Variants in CCDC85C observed in about 807,000 individuals in gnomAD.
CCDC85C encodes the protein coiled-coil domain-containing protein 85C.
Under a neutral mutation model 38.3 loss-of-function variants are expected in CCDC85C, and 18 were observed. That is an observed-to-expected ratio of 0.47 (90% CI 0.33 to 0.70). CCDC85C has a LOEUF of 0.70. Among genes scored for constraint, CCDC85C ranks in the 30% least tolerant of loss-of-function variants. CCDC85C has a pLI of 0.03. For synonymous variants in CCDC85C, 264 were observed against 293.8 expected (o/e 0.90, Z 1.04); for missense variants, 566 against 621.2 (o/e 0.91, Z 0.94).
In CCDC85C at chr14:99,516,277, C is replaced by A; in HGVS notation, c.1081G>T (p.Val361Leu). 1 of 1,550,844 alleles carries A rather than the reference C, an allele frequency of 6.4e-7. No homozygotes were observed. Among genetic ancestry groups the A allele is most frequent in the Non-Finnish European group, 8.7e-7 (1 of 1,146,586 alleles). The change falls in exon 5 of 6, where the codon GTA (valine) becomes TTA (leucine). Residue 361 changes from valine (V) to leucine (L), a missense_variant. Transcript: ENST00000380243. This position sits in a 1 kb window ranked among gnomAD's most constrained non-coding sequence, Gnocchi z 5.5. ...AGCTGCCGGTCCAGATTCTCGTGTA[C>A]CTCCAGGACCTGAAGGGAACGGGTC... is the stretch of plus-strand genomic sequence containing the variant. Reference protein sequence around the residue: ...AVVHAMKVLEVHENLDRQLQD... With the variant: ...AVVHAMKVLELHENLDRQLQD...
rs1328210660 is a variant in CCDC85C at position 99,603,926 on chromosome 14, A to ACGC, written c.31_33dup (p.Ala11dup). The stretch of plus-strand genomic sequence containing the variant: ...TCCGGCACCTGGCTCAGCTCCTCCG[A>ACGC]CGCCGCCGCCGCCGTCGCCGCGGGC... On this transcript the variant is annotated inframe_insertion, in exon 1 of 6. Coordinates refer to ENST00000380243, the MANE Select transcript of CCDC85C (RefSeq NM_001144995.2). This position sits in a 1 kb window ranked among gnomAD's most constrained non-coding sequence, Gnocchi z 7.5. The ACGC allele has an allele frequency of 1.1e-5, 16 of 1,421,056 alleles. No individual in the cohort carries two copies. The highest frequency in any genetic ancestry group is 6.1e-5 in the East Asian group (2 of 32,928). 88.0% of individuals were successfully genotyped at this position (1,421,056 alleles called of 1,614,324 possible).
intron 1 of CCDC85C, among the ~76,000 whole-genome samples, chr14:99,555,364 C>G (rs1897991103): frequency 6.6e-6 from 1 of 152,206 alleles, no homozygotes; most frequent in South Asian, 2.1e-4. Context: ...GCCGGCTTGT[C>G]CAAGGCTACA....
In CCDC85C at chr14:99,561,121, A is replaced by T. The variant is rs545695812; in HGVS notation, c.794-25033T>A. On this transcript the variant is annotated intron_variant, in intron 1 of 5. Coordinates refer to ENST00000380243, the MANE Select transcript of CCDC85C (RefSeq NM_001144995.2). Reference sequence around the variant, plus strand: ...TGCTGAAGCCCCACCCACTACGTGCATGGGGGGGTGCCTGCTGCCACACGC... The same window carrying T: ...TGCTGAAGCCCCACCCACTACGTGCTTGGGGGGGTGCCTGCTGCCACACGC... Among the ~76,000 whole-genome samples the T allele has an allele frequency of 2.0e-5, 3 of 152,286 alleles. No individual in the cohort carries two copies. In the East Asian group the frequency reaches 5.8e-4, roughly 29 times the overall value.
In CCDC85C at chr14:99,578,107, A is replaced by AGT. The variant is rs58957780; in HGVS notation, c.793+25058_793+25059dup. On this transcript the variant is annotated intron_variant, in intron 1 of 5. Transcript: ENST00000380243. ...TACAGCCCGTCCTGTATCCCCCATCAGTGTGTGTGTGTGTGTGTGTGTGTG... is the reference window on the plus strand; with the variant it reads ...TACAGCCCGTCCTGTATCCCCCATCAGTGTGTGTGTGTGTGTGTGTGTGTGTG... 5.4e-3 allele frequency among the ~76,000 whole-genome samples: 414 copies of AGT among 76,092 alleles called. 15 individuals carry two copies. The highest frequency in any genetic ancestry group is 0.013 in the African/African-American group (187 of 14,514). The allele number at this position is 76,092 out of a possible 152,430, so 49.9% of individuals were successfully genotyped here.
At chr14:99,598,513 G>A (rs1190779596) in intron 1 of CCDC85C, among the ~76,000 whole-genome samples, 2 of 152,190 alleles carry the variant, frequency 1.3e-5, no homozygotes, top group East Asian at 1.9e-4. Context: ...CGTAGGGAAG[G>A]TGGCCCACCC....
chr14:99,525,726 G>A (rs1031194095), intron 2 of CCDC85C, among the ~76,000 whole-genome samples: 1 of 152,174 alleles, frequency 6.6e-6, no homozygotes, highest in African/African-American at 2.4e-5. Context: ...TCCCCACCTG[G>A]GCAGCCTGCC....
chr14:99,571,711 A>G (rs1898348160), intron 1 of CCDC85C, among the ~76,000 whole-genome samples: 1 of 152,226 alleles, frequency 6.6e-6, no homozygotes, highest in Non-Finnish European at 1.5e-5. Context: ...GTGGCTGGGA[A>G]ATGGAATCAC....
At chr14:99,551,839 C>T (rs1254411020) in intron 1 of CCDC85C, among the ~76,000 whole-genome samples, 2 of 152,152 alleles carry the variant, frequency 1.3e-5, no homozygotes, top group Non-Finnish European at 2.9e-5. Context: ...AAGCCCCCTC[C>T]CTAGGTCAGA....
intron 2 of CCDC85C, chr14:99,534,635 C>A (rs1289293507): frequency 1.4e-6 from 1 of 702,260 alleles, no homozygotes. Context: ...TAAGCCATGA[C>A]CTTCTCCTGG....
chr14:99,565,799 G>A (rs978873593), intron 1 of CCDC85C, among the ~76,000 whole-genome samples: 3 of 152,214 alleles, frequency 2.0e-5, no homozygotes, highest in Admixed American at 6.5e-5. Context: ...GACTCCAGAA[G>A]AGCAACAAAC....
chr14:99,547,064 G>A (rs1398019504), intron 1 of CCDC85C, among the ~76,000 whole-genome samples: 1 of 151,874 alleles, frequency 6.6e-6, no homozygotes. Context: ...GTACATGCTT[G>A]TAGGCCCAGC....
Position 99,520,039 on chromosome 14 carries a change from C to T in CCDC85C, c.975+2094G>A, listed in dbSNP as rs1197168191. Among the ~76,000 whole-genome samples the T allele has an allele frequency of 1.3e-5, 2 of 152,202 alleles. No individual in the cohort carries two copies. Among genetic ancestry groups the T allele is most frequent in the African/African-American group, 2.4e-5 (1 of 41,446 alleles). ...TGGGTATAAACCACCTCCCACCCTC[C>T]ACTGGGCACCTGCCCTGACAGCCAG... On this transcript the variant is annotated intron_variant, in intron 3 of 5. Coordinates refer to ENST00000380243, the MANE Select transcript of CCDC85C (RefSeq NM_001144995.2). The surrounding 1 kb of genome is among the most constrained non-coding windows in gnomAD (Gnocchi z 4.1).
chr14:99,520,196 C>T lies in CCDC85C; in HGVS notation c.975+1937G>A, dbSNP rs1198920080. 6.6e-6 allele frequency among the ~76,000 whole-genome samples: 1 copy of T among 152,166 alleles called. No individual in the cohort carries two copies. Among genetic ancestry groups the T allele is most frequent in the Non-Finnish European group, 1.5e-5 (1 of 68,012 alleles). On this transcript the variant is annotated intron_variant, in intron 3 of 5. Coordinates refer to ENST00000380243, the MANE Select transcript of CCDC85C (RefSeq NM_001144995.2). This position sits in a 1 kb window ranked among gnomAD's most constrained non-coding sequence, Gnocchi z 4.1. Reference sequence around the variant, plus strand: ...CACAGGTAGCCTTAAAGGAGACTTGCCTGGGTCTGGAAGGGCCTGTGTGCC... The same window carrying T: ...CACAGGTAGCCTTAAAGGAGACTTGTCTGGGTCTGGAAGGGCCTGTGTGCC...
At chr14:99,590,117 A>G (rs2055070278) in intron 1 of CCDC85C, among the ~76,000 whole-genome samples, 1 of 152,082 alleles carries the variant, frequency 6.6e-6, no homozygotes, top group Non-Finnish European at 1.5e-5. Flanking sequence ...CTCGGTGGAG[A>G]GGGATTAGAG....
rs528315309 is a variant in CCDC85C, at chr14:99,555,627, G to A, written c.794-19539C>T. On this transcript the variant is annotated intron_variant, in intron 1 of 5. Coordinates refer to ENST00000380243, the MANE Select transcript of CCDC85C (RefSeq NM_001144995.2). ...TAGCTCACTGAGGGAAAGGGGAAGCGGCCCTCCCAGGAGAAGGCCAAGTAT... is the reference window on the plus strand; with the variant it reads ...TAGCTCACTGAGGGAAAGGGGAAGCAGCCCTCCCAGGAGAAGGCCAAGTAT... Among the ~76,000 whole-genome samples, 10 of 152,288 alleles carry A rather than the reference G, an allele frequency of 6.6e-5. No homozygotes were observed. The East Asian group carries it at 9.6e-4, about 15-fold the overall frequency.
Position 99,522,118 on chromosome 14 carries a change from G to A in CCDC85C, c.975+15C>T. 4.5e-6 allele frequency: 7 copies of A among 1,538,714 alleles called. No individual in the cohort carries two copies. The highest frequency in any genetic ancestry group is 6.2e-6 in the Non-Finnish European group (7 of 1,135,982). ...TCATCCAGAACATGTGGGCTTTTTTGGGGTGCACACTCACGTTCTGCAGGG... is the reference window on the plus strand; with the variant it reads ...TCATCCAGAACATGTGGGCTTTTTTAGGGTGCACACTCACGTTCTGCAGGG... On this transcript the variant is annotated intron_variant, in intron 3 of 5. Transcript: ENST00000380243.
intron 5 of CCDC85C, 95 bp from the exon 6 acceptor site, chr14:99,515,430 G>A (rs1410968032): frequency 1.6e-5 from 14 of 881,112 alleles, no homozygotes; most frequent in South Asian, 6.3e-5. Context: ...AATCACCCAC[G>A]TCCTCAGAGC....
chr14:99,590,811 G>C lies in CCDC85C; in HGVS notation c.793+12356C>G, dbSNP rs78700122. ...GCTGTAATCACACTGATGCCACCCT[G>C]ATGCCCCCCAACCCCCAACCAACAC... On this transcript the variant is annotated intron_variant, in intron 1 of 5. Coordinates refer to ENST00000380243, the MANE Select transcript of CCDC85C (RefSeq NM_001144995.2). Among the ~76,000 whole-genome samples, 1,162 of 152,302 alleles carry C rather than the reference G, an allele frequency of 7.6e-3. 21 individuals are homozygous for C. The highest frequency in any genetic ancestry group is 0.027 in the African/African-American group (1,109 of 41,560).
At chr14:99,593,231 C>A (rs889322283) in intron 1 of CCDC85C, among the ~76,000 whole-genome samples, 1 of 152,238 alleles carries the variant, frequency 6.6e-6, no homozygotes, top group African/African-American at 2.4e-5. Flanking sequence ...TAGACAAGAG[C>A]GGGCCTCCTT....
Sources: allele counts gnomAD v4.1 joint callset (sites outside exome capture counted in the v4.1 genomes callset), GRCh38; gene constraint gnomAD v4.1.1; non-coding constraint Gnocchi (gnomAD v3.1); transcripts MANE v1.5; gene names NCBI Gene and HGNC (gene_info 2026-07-23, HGNC 2026-07-21).